Variants in ESRRG observed in about 807,000 individuals in gnomAD.
ESRRG encodes estrogen-related receptor gamma.
ESRRG carries 13 observed loss-of-function variants against 44.0 expected under a neutral mutation model. That is an observed-to-expected ratio of 0.30 (90% CI 0.19 to 0.47). The LOEUF is 0.47. ESRRG is among the 20% of genes least tolerant of loss of function. The pLI is 1.00. For missense variants in ESRRG, 395 were observed against 580.6 expected (o/e 0.68, Z 3.29); for synonymous variants, 215 against 214.6 (o/e 1.00, Z -0.02).
At chr1:216,530,133 A>AAAG (rs1491152312) in intron 5 of ESRRG, among the ~76,000 whole-genome samples, 26 of 135,944 alleles carry the variant, frequency 1.9e-4, no homozygotes, top group African/African-American at 7.5e-4. Context: ...AAAAAAAAAA[A>AAAG]GGGGGTGGGG....
chr1:216,796,070 C>G (rs968825601), intron 2 of ESRRG, among the ~76,000 whole-genome samples: 11 of 152,170 alleles, frequency 7.2e-5, no homozygotes, highest in African/African-American at 2.2e-4. Flanking sequence ...GAAACTTGGC[C>G]TCAACATCCT....
chr1:216,697,612 CA>C (rs1366166162), intron 1 of ESRRG, among the ~76,000 whole-genome samples: 1 of 152,050 alleles, frequency 6.6e-6, no homozygotes, highest in Non-Finnish European at 1.5e-5. Context: ...GGTCTTTTTC[CA>C]AAGGAAAATG....
At chr1:216,900,480 A>G (rs139646549) in intron 2 of ESRRG, among the ~76,000 whole-genome samples, 246 of 152,340 alleles carry the variant, frequency 1.6e-3, no homozygotes, top group African/African-American at 5.7e-3. Context: ...TGAAGCACTT[A>G]GAGAATTGAG....
chr1:216,692,784 A>G (rs542113095), intron 1 of ESRRG, among the ~76,000 whole-genome samples: 45 of 152,326 alleles, frequency 3.0e-4, no homozygotes, highest in African/African-American at 1.0e-3. Flanking sequence ...TACCTTATGT[A>G]GATACACAAA....
chr1:216,655,884 T>C (rs954584179), intron 2 of ESRRG, among the ~76,000 whole-genome samples: 2 of 152,170 alleles, frequency 1.3e-5, no homozygotes, highest in African/African-American at 2.4e-5. Context: ...TCTACAGAGA[T>C]TGTGCCCTTG....
chr1:216,945,199 A>T (rs1196158256), intron 1 of ESRRG, among the ~76,000 whole-genome samples: 1 of 152,122 alleles, frequency 6.6e-6, no homozygotes, highest in African/African-American at 2.4e-5. Flanking sequence ...ACAAAAGGGG[A>T]GGGAAAAGTG....
intron 6 of ESRRG, among the ~76,000 whole-genome samples, chr1:216,516,316 G>A (rs1000392959): frequency 3.9e-5 from 6 of 151,986 alleles, no homozygotes; most frequent in Non-Finnish European, 7.4e-5. Flanking sequence ...CCACACACAC[G>A]AAGATAGAGT....
At chr1:216,623,653 A>T (rs1574297670) in intron 3 of ESRRG, among the ~76,000 whole-genome samples, 2 of 152,168 alleles carry the variant, frequency 1.3e-5, no homozygotes, top group East Asian at 1.9e-4. Context: ...GAATAACTAG[A>T]CCATGTAGCA....
chr1:216,808,568 A>G (rs1405144120), intron 2 of ESRRG, among the ~76,000 whole-genome samples: 1 of 152,100 alleles, frequency 6.6e-6, no homozygotes, highest in Non-Finnish European at 1.5e-5. Context: ...CTGAGACTAC[A>G]GGCAGGTGTC....
chr1:216,994,472 C>A (rs889864397), intron 1 of ESRRG, among the ~76,000 whole-genome samples: 9 of 152,204 alleles, frequency 5.9e-5, no homozygotes, highest in African/African-American at 1.4e-4. Flanking sequence ...TAAACACACA[C>A]ACACACACAC....
intron 2 of ESRRG, among the ~76,000 whole-genome samples, chr1:216,776,352 A>G (rs2093614000): frequency 2.6e-5 from 4 of 152,050 alleles, no homozygotes; most frequent in Admixed American, 1.3e-4. Context: ...GTCCTTCAGG[A>G]CTTTTCCTCG....
At chr1:216,899,630 A>T (rs1014639131) in intron 2 of ESRRG, among the ~76,000 whole-genome samples, 1 of 152,198 alleles carries the variant, frequency 6.6e-6, no homozygotes, top group Non-Finnish European at 1.5e-5. Flanking sequence ...GGTGGCAGTT[A>T]TAGGGGCTCT....
rs572927650 is a variant in ESRRG, at chr1:216,867,924, T to A, written c.-14+71658A>T. 2.6e-5 allele frequency among the ~76,000 whole-genome samples: 4 copies of A among 152,194 alleles called. No homozygotes were observed. The South Asian group carries it at 6.2e-4, about 24-fold the overall frequency. On this transcript the variant is annotated intron_variant, in intron 2 of 7. Coordinates refer to the ESRRG transcript ENST00000359162. ...AATCCCTTTATAGGCCAATTGCCTG[T>A]CACCCCTAACTCCTGGCAACCACTG...
chr1:216,576,179 T>G (rs1427292256), intron 3 of ESRRG, among the ~76,000 whole-genome samples: 1 of 151,602 alleles, frequency 6.6e-6, no homozygotes, highest in Non-Finnish European at 1.5e-5. Flanking sequence ...TCCACTAAAC[T>G]CCCCCAGCCA....
At chr1:216,745,545 T>G (rs1004361225) in intron 2 of ESRRG, among the ~76,000 whole-genome samples, 5 of 147,012 alleles carry the variant, frequency 3.4e-5, no homozygotes, top group African/African-American at 9.7e-5. Flanking sequence ...GCAGACACTG[T>G]GCTATGCATA....
chr1:216,936,933 C>T (rs1245416378), intron 2 of ESRRG, among the ~76,000 whole-genome samples: 1 of 152,066 alleles, frequency 6.6e-6, no homozygotes, highest in Non-Finnish European at 1.5e-5. Context: ...TCCCTGGGCA[C>T]ATACCCAGGG....
intron 2 of ESRRG, among the ~76,000 whole-genome samples, chr1:216,859,240 T>C (rs2096007773): frequency 6.6e-6 from 1 of 152,174 alleles, no homozygotes; most frequent in African/African-American, 2.4e-5. Flanking sequence ...AGAGATATAG[T>C]GATCTCTAAG....
intron 1 of ESRRG, among the ~76,000 whole-genome samples, chr1:217,005,149 A>G (rs142575956): frequency 8.5e-5 from 13 of 152,234 alleles, no homozygotes; most frequent in African/African-American, 2.6e-4. Context: ...GTATATTGTG[A>G]TTTTATGTCT....
At chr1:216,759,986 G>C (rs1216261662) in intron 2 of ESRRG, among the ~76,000 whole-genome samples, 1 of 152,010 alleles carries the variant, frequency 6.6e-6, no homozygotes, top group African/African-American at 2.4e-5. Flanking sequence ...TTCTTCAGGG[G>C]TATGCCCCCA....
Sources: allele counts gnomAD v4.1 joint callset (sites outside exome capture counted in the v4.1 genomes callset), GRCh38; gene constraint gnomAD v4.1.1; transcripts MANE v1.5; gene names NCBI Gene and HGNC (gene_info 2026-07-23, HGNC 2026-07-21).